BORCS5: variants seen among roughly 807,000 people sequenced by gnomAD.
The protein encoded by BORCS5 is BLOC-1-related complex subunit 5.
BORCS5 carries 17 observed loss-of-function variants against 22.1 expected under a neutral mutation model. That is an observed-to-expected ratio of 0.77 (90% CI 0.53 to 1.15). BORCS5 has a LOEUF of 1.15. Ranked by LOEUF, BORCS5 falls within the 50% of genes most tolerant of loss-of-function variation. The probability of loss-of-function intolerance (pLI) is 0.00; values close to 1 mark genes in which losing one functional copy is unlikely to be tolerated. For synonymous variants in BORCS5, 117 were observed against 99.8 expected, an observed-to-expected ratio of 1.17 and a Z score of -1.03; for missense variants, 247 against 253.2, an observed-to-expected ratio of 0.98 and a Z score of 0.17.
chr12:12,440,576 G>A (rs1230435213), intron 3 of BORCS5, among the ~76,000 whole-genome samples: 1 of 150,916 alleles, frequency 6.6e-6, no homozygotes. Flanking sequence ...GGGATATCCT[G>A]GAGCAGACGG....
In BORCS5 at chr12:12,465,728, G is replaced by A; in HGVS notation, c.543G>A (p.Glu181=). The A allele has an allele frequency of 1.2e-6, 2 of 1,614,092 alleles. No individual in the cohort carries two copies. The highest frequency in any genetic ancestry group is 1.7e-5 in the Admixed American group (1 of 60,038). The change falls in exon 4 of 4, where the codon GAG becomes GAA. Residue 181 remains glutamate (E), a synonymous_variant. Transcript: ENST00000314565. ...TCAACAGCATGCTGCCCGAGGGCGA[G>A]CGGCTGGAGCCCTTCAGCATGAAGC... ...DRLNSMLPEG[E]RLEPFSMKPD...
At chr12:12,371,759 G>A (rs1863533839) in intron 2 of BORCS5, among the ~76,000 whole-genome samples, 2 of 152,040 alleles carry the variant, frequency 1.3e-5, no homozygotes, top group East Asian at 1.9e-4. Flanking sequence ...ATGTTAGACC[G>A]CTTGATATTT....
chr12:12,382,679 C>T lies in BORCS5; in HGVS notation c.202+21330C>T, dbSNP rs183824929. ...TCCCAAGTAGCTGGGATTACAGGCGCGTGCCAGCATGCCTGTCTAATTTTT... is the reference window on the plus strand; with the variant it reads ...TCCCAAGTAGCTGGGATTACAGGCGTGTGCCAGCATGCCTGTCTAATTTTT... On this transcript the variant is annotated intron_variant, in intron 2 of 3. Coordinates refer to ENST00000314565, the MANE Select transcript of BORCS5 (RefSeq NM_058169.6). Among the ~76,000 whole-genome samples the T allele has an allele frequency of 1.1e-3, 161 of 150,674 alleles. 8 individuals are homozygous for T. Among genetic ancestry groups the T allele is most frequent in the Non-Finnish European group, 1.7e-3 (113 of 67,380 alleles).
At position 12,363,755 on chromosome 12, in the gene BORCS5, G is replaced by T. The variant is rs1011079669; in HGVS notation, c.202+2406G>T. Among the ~76,000 whole-genome samples, 6 of 151,808 alleles carry T rather than the reference G, an allele frequency of 4.0e-5. No individual in the cohort carries two copies. In the East Asian group the frequency reaches 5.8e-4, roughly 15 times the overall value. On this transcript the variant is annotated intron_variant, in intron 2 of 3. Coordinates refer to ENST00000314565, the MANE Select transcript of BORCS5 (RefSeq NM_058169.6). ...CCATCTCAAAAAAAAAAAATTAGCT[G>T]GGTGTGGTGGTGTGCACCTGTAAAC...
intron 2 of BORCS5, among the ~76,000 whole-genome samples, chr12:12,377,520 GC>G (rs1863682493): frequency 6.6e-6 from 1 of 151,862 alleles, no homozygotes; most frequent in Non-Finnish European, 1.5e-5. Context: ...ATTTCTTAGG[GC>G]CCAGCACAAA....
At chr12:12,446,133 G>A (rs544982804) in intron 3 of BORCS5, among the ~76,000 whole-genome samples, 4 of 152,040 alleles carry the variant, frequency 2.6e-5, no homozygotes, top group African/African-American at 7.2e-5. Flanking sequence ...TGTAGGTGTC[G>A]AGGAAATATC....
In BORCS5 at chr12:12,435,619, C is replaced by T. The variant is rs202154100; in HGVS notation, c.203-9C>T. The stretch of plus-strand genomic sequence containing the variant: ...TTTTAATTTCATTTCATTTTTTTCT[C>T]CTTTGAAGGGCTATTGAGTGGCCAG... On this transcript the variant is annotated splice_polypyrimidine_tract_variant and intron_variant, in intron 2 of 3. Transcript: ENST00000314565. 4 of 1,598,172 alleles carry T rather than the reference C, an allele frequency of 2.5e-6. No homozygotes were observed. Among genetic ancestry groups the T allele is most frequent in the Admixed American group, 1.8e-5 (1 of 56,408 alleles).
At chr12:12,440,090 G>A (rs1297233063) in intron 3 of BORCS5, among the ~76,000 whole-genome samples, 1 of 152,200 alleles carries the variant, frequency 6.6e-6, no homozygotes, top group East Asian at 1.9e-4. Flanking sequence ...ATCAACTAGA[G>A]GTCCCTAAGA....
At chr12:12,357,600 G>A (rs1272835886) in intron 1 of BORCS5, 91 bp downstream of exon 1, 44 of 1,384,454 alleles carry the variant, frequency 3.2e-5, no homozygotes, top group Admixed American at 4.8e-5. Context: ...GACTGCGGAC[G>A]GGAACGCACA....
intron 2 of BORCS5, among the ~76,000 whole-genome samples, chr12:12,415,108 G>A (rs1337058884): frequency 6.6e-6 from 1 of 151,394 alleles, no homozygotes; most frequent in Non-Finnish European, 1.5e-5. Context: ...CAGACGATGG[G>A]GGGCCAGGCA....
intron 2 of BORCS5, among the ~76,000 whole-genome samples, chr12:12,386,042 C>T (rs1420093370): frequency 2.0e-5 from 3 of 150,074 alleles, no homozygotes; most frequent in Non-Finnish European, 4.5e-5. Flanking sequence ...ACTCTGTCGC[C>T]CAGGTTGGAG....
intron 2 of BORCS5, among the ~76,000 whole-genome samples, chr12:12,367,717 C>T (rs1863434188): frequency 6.6e-6 from 1 of 152,242 alleles, no homozygotes; most frequent in Admixed American, 6.5e-5. Flanking sequence ...TTTTCCCTTA[C>T]TCCCATAAAT....
Position 12,450,089 on chromosome 12 carries a change from C to G in BORCS5, c.360+14304C>G, listed in dbSNP as rs146920592. Among the ~76,000 whole-genome samples the G allele has an allele frequency of 7.1e-3, 1,086 of 152,336 alleles. 16 individuals are homozygous for G. The highest frequency in any genetic ancestry group is 0.024 in the African/African-American group (1,013 of 41,570). On this transcript the variant is annotated intron_variant, in intron 3 of 3. Coordinates refer to ENST00000314565, the MANE Select transcript of BORCS5 (RefSeq NM_058169.6). The stretch of plus-strand genomic sequence containing the variant: ...CACAGTTATAATTCATTGGGTAAAG[C>G]ATAGTAGAACAAACTATGGAAAAGG...
intron 2 of BORCS5, among the ~76,000 whole-genome samples, chr12:12,413,901 C>G (rs1307500329): frequency 1.6e-5 from 1 of 61,862 alleles, no homozygotes. Flanking sequence ...CCCCCACCTC[C>G]CTCCCGGACT....
chr12:12,466,789 G>A lies in BORCS5; in HGVS notation c.*1013G>A, dbSNP rs530180076. ...TGAAGGGAGTCGCTGGGGCCAGGAC[G>A]GCATGCAGGCCTGTACCCTGTTCCC... On this transcript the variant is annotated 3_prime_UTR_variant, in exon 4 of 4. Transcript: ENST00000314565. The A allele has an allele frequency of 2.0e-5, 3 of 152,370 alleles. No homozygotes were observed. Among genetic ancestry groups the A allele is most frequent in the Non-Finnish European group, 4.4e-5 (3 of 68,076 alleles). 9.4% of individuals were successfully genotyped at this position (152,370 alleles called of 1,614,324 possible). A position where few individuals can be genotyped will look rare whatever the true frequency, so the allele number is the denominator to read the frequency against.
rs375548627 is a variant in BORCS5 at position 12,412,665 on chromosome 12, A to C, written c.203-22963A>C. 1.5e-4 allele frequency among the ~76,000 whole-genome samples: 23 copies of C among 152,234 alleles called. No individual in the cohort carries two copies. In the East Asian group the frequency reaches 1.9e-3, roughly 13 times the overall value. The stretch of plus-strand genomic sequence containing the variant: ...AACTTCCATTATTATGTTGAATAGA[A>C]GTGGTGAAAACAGGCATCCTTGCTT... On this transcript the variant is annotated intron_variant, in intron 2 of 3. Coordinates refer to ENST00000314565, the MANE Select transcript of BORCS5 (RefSeq NM_058169.6).
chr12:12,409,137 A>G (rs1334270928), intron 2 of BORCS5, among the ~76,000 whole-genome samples: 1 of 151,890 alleles, frequency 6.6e-6, no homozygotes, highest in African/African-American at 2.4e-5. Flanking sequence ...AATGGGTGTG[A>G]GGGGGCATCT....
At chr12:12,407,662 C>G (rs572069134) in intron 2 of BORCS5, among the ~76,000 whole-genome samples, 1 of 151,410 alleles carries the variant, frequency 6.6e-6, no homozygotes, top group East Asian at 1.9e-4. Context: ...CCCTGACAAA[C>G]ATTATTATTC....
chr12:12,388,660 G>A (rs1863933294), intron 2 of BORCS5, among the ~76,000 whole-genome samples: 1 of 149,588 alleles, frequency 6.7e-6, no homozygotes, highest in Non-Finnish European at 1.5e-5. Context: ...CTTAAGTGGG[G>A]TGGGGGGGAC....
Sources: allele counts gnomAD v4.1 joint callset (sites outside exome capture counted in the v4.1 genomes callset), GRCh38; gene constraint gnomAD v4.1.1; transcripts MANE v1.5; gene names NCBI Gene and HGNC (gene_info 2026-07-23, HGNC 2026-07-21).